BRIP1: variants seen among roughly 807,000 people sequenced by gnomAD.
The protein encoded by BRIP1 is BRCA1 interacting DNA helicase 1, also known as Fanconi anemia group J protein.
BRIP1 carries 88 observed loss-of-function variants against 119.7 expected under a neutral mutation model. The observed-to-expected ratio is 0.74, with a 90% confidence interval of 0.62 to 0.88. The LOEUF (loss-of-function observed/expected upper bound fraction) is 0.88, where lower values mean the gene tolerates loss of function less well. BRIP1 is among the 40% of genes least tolerant of loss of function. The pLI, the probability that BRIP1 is intolerant of heterozygous loss-of-function variation, is 0.00. For missense variants in BRIP1, 1,259 were observed against 1,455.4 expected (o/e 0.87, Z 2.20); for synonymous variants, 443 against 496.5 (o/e 0.89, Z 1.43).
chr17:61,783,040 T>G (rs997002249), intron 11 of BRIP1, among the ~76,000 whole-genome samples: 10 of 152,200 alleles, frequency 6.6e-5, no homozygotes, highest in Non-Finnish European at 1.5e-4. Flanking sequence ...ATTCCACTGC[T>G]AGGTACTTAT....
At position 61,700,764 on chromosome 17, in the gene BRIP1, T is replaced by G. The variant is rs1354181331; in HGVS notation, c.2493-7252A>C. On this transcript the variant is annotated intron_variant, in intron 17 of 19. Coordinates refer to ENST00000259008, the MANE Select transcript of BRIP1 (RefSeq NM_032043.3). The surrounding 1 kb of genome is among the most constrained non-coding windows in gnomAD (Gnocchi z 4.1). ...TATTCTTTTTTCTCTCCTCTCCTTCTGGGACTCCAAATATGCATATGTTGG... is the reference window on the plus strand; with the variant it reads ...TATTCTTTTTTCTCTCCTCTCCTTCGGGGACTCCAAATATGCATATGTTGG... Among the ~76,000 whole-genome samples, 1 of 152,208 alleles carries G rather than the reference T, an allele frequency of 6.6e-6. No homozygotes were observed. The highest frequency in any genetic ancestry group is 2.4e-5 in the African/African-American group (1 of 41,472).
chr17:61,807,717 T>C lies in BRIP1; in HGVS notation c.918+750A>G, dbSNP rs2078095008. 6.6e-6 allele frequency among the ~76,000 whole-genome samples: 1 copy of C among 152,112 alleles called. No individual in the cohort carries two copies. Among genetic ancestry groups the C allele is most frequent in the Non-Finnish European group, 1.5e-5 (1 of 67,986 alleles). On this transcript the variant is annotated intron_variant, in intron 7 of 19. Transcript: ENST00000259008. The surrounding 1 kb of genome is among the most constrained non-coding windows in gnomAD (Gnocchi z 4.5). ...AATATCATTGGTCACTTCATAGTAA[T>C]CAATTTATGGTTCACTGATTTGGGG...
At chr17:61,765,829 G>GCACACACA (rs71150698) in intron 14 of BRIP1, among the ~76,000 whole-genome samples, 30,699 of 146,254 alleles carry the variant, frequency 0.21, 3,282 homozygotes, top group East Asian at 0.32. Context: ...CTATATTCAT[G>GCACACACA]CACACACACA....
Position 61,745,040 on chromosome 17 carries a change from A to C in BRIP1, c.2098-449T>G, listed in dbSNP as rs1218679039. Among the ~76,000 whole-genome samples, 2 of 152,210 alleles carry C rather than the reference A, an allele frequency of 1.3e-5. No individual in the cohort carries two copies. Among genetic ancestry groups the C allele is most frequent in the African/African-American group, 4.8e-5 (2 of 41,468 alleles). On this transcript the variant is annotated intron_variant, in intron 14 of 19. Transcript: ENST00000259008. The surrounding 1 kb of genome is among the most constrained non-coding windows in gnomAD (Gnocchi z 4.4). ...CTTTAAACCTAAGGTGAAGTTTCTT[A>C]ATATTCTTAAATAGTCTTCAAATGA...
rs2076822830 is a variant in BRIP1, at chr17:61,729,990, A to T, written c.2379+13023T>A. ...CCCAGTCCAAAATGTCAATAGTGCC[A>T]AGTTTGAGAAACACAGCTTGAAAGT... On this transcript the variant is annotated intron_variant, in intron 16 of 19. Coordinates refer to ENST00000259008, the MANE Select transcript of BRIP1 (RefSeq NM_032043.3). This position sits in a 1 kb window ranked among gnomAD's most constrained non-coding sequence, Gnocchi z 5.6. Among the ~76,000 whole-genome samples the T allele has an allele frequency of 6.6e-6, 1 of 152,236 alleles. No homozygotes were observed. The highest frequency in any genetic ancestry group is 2.4e-5 in the African/African-American group (1 of 41,472).
At chr17:61,829,231 A>C (rs1177056852) in intron 6 of BRIP1, among the ~76,000 whole-genome samples, 1 of 152,118 alleles carries the variant, frequency 6.6e-6, no homozygotes, top group Non-Finnish European at 1.5e-5. Flanking sequence ...ATAGGTTAAA[A>C]ATAAAAGGAT....
Position 61,754,328 on chromosome 17 carries a change from A to C in BRIP1, c.2098-9737T>G, listed in dbSNP as rs1384448421. Among the ~76,000 whole-genome samples, 1 of 152,040 alleles carries C rather than the reference A, an allele frequency of 6.6e-6. No homozygotes were observed. Among genetic ancestry groups the C allele is most frequent in the African/African-American group, 2.4e-5 (1 of 41,396 alleles). ...ACTCTCCTGTCTCAAGATTCCCACT[A>C]TCTGAACATTCTTCCCCCTAAATCA... On this transcript the variant is annotated intron_variant, in intron 14 of 19. Transcript: ENST00000259008. This position sits in a 1 kb window ranked among gnomAD's most constrained non-coding sequence, Gnocchi z 4.1.
At position 61,685,940 on chromosome 17, in the gene BRIP1, A is replaced by G. The variant is rs778916092; in HGVS notation, c.2801T>C (p.Phe934Ser). 53 of 1,613,916 alleles carry G rather than the reference A, an allele frequency of 3.3e-5. 1 individual carries two copies. In the South Asian group the frequency reaches 4.7e-4, roughly 14 times the overall value. ...ACATATCTTTGCTTCATCTTCCACAAAATTTTCTGGTGATAGATGACTTGC... is the reference window on the plus strand; with the variant it reads ...ACATATCTTTGCTTCATCTTCCACAGAATTTTCTGGTGATAGATGACTTGC... ...EAASHLSPEN[F>S]VEDEAKICVQ... The change falls in exon 19 of 20, where the codon TTT becomes TCT. Residue 934 changes from phenylalanine to serine, a missense_variant. Phe to Ser is a radical substitution (Grantham distance 155, BLOSUM62 -2). Transcript: ENST00000259008.
chr17:61,685,878 T>G lies in BRIP1; in HGVS notation c.2863A>C (p.Asn955His), dbSNP rs587782244. ...ATAATGCTACTTGGTAGAGGTGAAT[T>G]TTTGGTAATAATTTTAGGACACTGT... ...ELQCPKIITK[N>H]SPLPSSIISR... Residue 955 changes from asparagine to histidine, a missense_variant, in exon 19 of 20, where the codon AAT (asparagine) becomes CAT (histidine). Asn to His is a moderately conservative substitution (Grantham distance 68, BLOSUM62 1). Coordinates refer to ENST00000259008, the MANE Select transcript of BRIP1 (RefSeq NM_032043.3). 3.3e-5 allele frequency: 54 copies of G among 1,613,462 alleles called. No homozygotes were observed. Among genetic ancestry groups the G allele is most frequent in the Non-Finnish European group, 4.4e-5 (52 of 1,179,780 alleles).
chr17:61,839,666 A>C lies in BRIP1; in HGVS notation c.627+7435T>G, dbSNP rs529263821. On this transcript the variant is annotated intron_variant, in intron 6 of 19. Transcript: ENST00000259008. ...GGACTAGATTTAATTGAGAGATTTA[A>C]CTTGTTCAAGAAGTTTTCAGACTTA... Among the ~76,000 whole-genome samples, 19 of 152,296 alleles carry C rather than the reference A, an allele frequency of 1.2e-4. No homozygotes were observed. In the South Asian group the frequency reaches 2.3e-3, roughly 18 times the overall value.
At chr17:61,712,322 T>A (rs2061790043) in intron 17 of BRIP1, among the ~76,000 whole-genome samples, 1 of 152,036 alleles carries the variant, frequency 6.6e-6, no homozygotes, top group African/African-American at 2.4e-5. Context: ...CAAGCAATTC[T>A]CCTGCCTCAG....
At chr17:61,697,134 A>G (rs1473016495) in intron 17 of BRIP1, among the ~76,000 whole-genome samples, 1 of 151,536 alleles carries the variant, frequency 6.6e-6, no homozygotes, top group Admixed American at 6.6e-5. Flanking sequence ...TCACGAGGTC[A>G]GGAGTTCAAG....
At position 61,744,272 on chromosome 17, in the gene BRIP1, C is replaced by A. The variant is rs2077026880; in HGVS notation, c.2257+160G>T. ...GAAAATATTCATAGGAGAACAAGTA[C>A]AATTAAAAGAATTTCTTTACCCAAT... is the stretch of plus-strand genomic sequence containing the variant. On this transcript the variant is annotated intron_variant, in intron 15 of 19. Transcript: ENST00000259008. This position sits in a 1 kb window ranked among gnomAD's most constrained non-coding sequence, Gnocchi z 5.0. Among the ~76,000 whole-genome samples, 1 of 152,048 alleles carries A rather than the reference C, an allele frequency of 6.6e-6. No individual in the cohort carries two copies. Among genetic ancestry groups the A allele is most frequent in the Admixed American group, 6.6e-5 (1 of 15,266 alleles).
At position 61,755,451 on chromosome 17, in the gene BRIP1, C is replaced by A. The variant is rs754312048; in HGVS notation, c.2098-10860G>T. On this transcript the variant is annotated intron_variant, in intron 14 of 19. Coordinates refer to ENST00000259008, the MANE Select transcript of BRIP1 (RefSeq NM_032043.3). This position sits in a 1 kb window ranked among gnomAD's most constrained non-coding sequence, Gnocchi z 4.5. ...GTGTGTGCCTGTGATCCCAGTTACT[C>A]AGGAGGCTGAGGTGGGAGGACTGCT... 3.3e-5 allele frequency among the ~76,000 whole-genome samples: 5 copies of A among 152,022 alleles called. No individual in the cohort carries two copies. The highest frequency in any genetic ancestry group is 2.9e-5 in the Non-Finnish European group (2 of 67,980).
Position 61,700,511 on chromosome 17 carries a change from A to G in BRIP1, c.2493-6999T>C, listed in dbSNP as rs2061598127. Among the ~76,000 whole-genome samples the G allele has an allele frequency of 2.0e-5, 3 of 152,172 alleles. No individual in the cohort carries two copies. The highest frequency in any genetic ancestry group is 4.1e-4 in the South Asian group (2 of 4,822). ...GTCATTTTCTTTCAGCACTTTGAAC[A>G]TGTCAATTAACTGCTTCCTGGTCTG... On this transcript the variant is annotated intron_variant, in intron 17 of 19. Coordinates refer to ENST00000259008, the MANE Select transcript of BRIP1 (RefSeq NM_032043.3). The surrounding 1 kb of genome is among the most constrained non-coding windows in gnomAD (Gnocchi z 4.1).
At chr17:61,821,387 G>T (rs148873470) in intron 6 of BRIP1, among the ~76,000 whole-genome samples, 1 of 152,102 alleles carries the variant, frequency 6.6e-6, no homozygotes, top group Non-Finnish European at 1.5e-5. Context: ...TTGTTACTTG[G>T]GGGTGGAGAG....
In BRIP1 at chr17:61,699,706, T is replaced by TA. The variant is rs2061583507; in HGVS notation, c.2493-6195dup. On this transcript the variant is annotated intron_variant, in intron 17 of 19. Transcript: ENST00000259008. The surrounding 1 kb of genome is among the most constrained non-coding windows in gnomAD (Gnocchi z 4.8). Reference sequence around the variant, plus strand: ...GTTCCTGGGCTGATGAATGAAAACTTAGATTCAGGAGGGTACCTGTGATTG... The same window carrying TA: ...GTTCCTGGGCTGATGAATGAAAACTTAAGATTCAGGAGGGTACCTGTGATTG... Among the ~76,000 whole-genome samples, 1 of 152,176 alleles carries TA rather than the reference T, an allele frequency of 6.6e-6. No individual in the cohort carries two copies. The highest frequency in any genetic ancestry group is 6.5e-5 in the Admixed American group (1 of 15,272).
Position 61,789,734 on chromosome 17 carries a change from A to T in BRIP1, c.1473+3863T>A, listed in dbSNP as rs982407248. 2.6e-5 allele frequency among the ~76,000 whole-genome samples: 4 copies of T among 152,184 alleles called. No homozygotes were observed. The East Asian group carries it at 7.7e-4, about 29-fold the overall frequency. ...TGAAGGAATCTTTACTTAAATAGGA[A>T]AGTATACACAATATATTGTTAAATT... On this transcript the variant is annotated intron_variant, in intron 10 of 19. Transcript: ENST00000259008. This position sits in a 1 kb window ranked among gnomAD's most constrained non-coding sequence, Gnocchi z 4.8.
chr17:61,765,967 A>G (rs936072507), intron 14 of BRIP1, among the ~76,000 whole-genome samples: 2 of 152,072 alleles, frequency 1.3e-5, no homozygotes, highest in African/African-American at 4.8e-5. Flanking sequence ...AGTAGCTCTT[A>G]TATCTATCTT....
Sources: gnomAD v4.1 joint callset for allele counts (sites outside exome capture counted in the v4.1 genomes callset) on GRCh38, gnomAD v4.1.1 for gene constraint, Gnocchi (gnomAD v3.1) non-coding constraint, MANE v1.5 for transcripts, NCBI Gene and HGNC (gene_info 2026-07-23, HGNC 2026-07-21) for gene names.